Variants in CACNA1A observed in about 807,000 individuals in gnomAD.
CACNA1A encodes the protein voltage-dependent P/Q-type calcium channel subunit alpha-1A.
Under a neutral mutation model 262.4 loss-of-function variants are expected in CACNA1A, and 57 were observed. The ratio of observed to expected loss-of-function variants is 0.22; its 90% CI spans 0.18 to 0.27. The LOEUF is 0.27. Ranked by LOEUF, CACNA1A falls within the 10% of genes least tolerant of loss-of-function variation. CACNA1A has a pLI of 1.00. For missense variants in CACNA1A, 2,526 were observed against 3,562.8 expected, an observed-to-expected ratio of 0.71 and a Z score of 7.41; for synonymous variants, 1,431 against 1,419.3, an observed-to-expected ratio of 1.01 and a Z score of -0.18.
In CACNA1A at chr19:13,212,189, C is replaced by T. The variant is rs1057524336; in HGVS notation, c.6217G>A (p.Asp2073Asn). Residue 2073 changes from aspartate to asparagine, a missense_variant, in exon 43 of 47, where the codon GAT (aspartate) becomes AAT (asparagine). Physicochemically the swap from Asp to Asn is conservative, Grantham distance 23. Around this residue, in one of 17 missense-constraint regions of CACNA1A, gnomAD observed 929 missense variants for 868.1 expected, o/e 1.07. Coordinates refer to ENST00000360228, the MANE Select transcript of CACNA1A (RefSeq NM_001127222.2). This position sits in a 1 kb window ranked among gnomAD's most constrained non-coding sequence, Gnocchi z 5.6. ...TAGTGCTCGCTGTCGGAGTAGCCAT[C>T]TCTGCCCATCTCTCGCATCTCCACG... is the stretch of plus-strand genomic sequence containing the variant. ...QSVEMREMGR[D>N]GYSDSEHYLP... is the part of the protein sequence containing the mutation. 8 of 1,613,806 alleles carry T rather than the reference C, an allele frequency of 5.0e-6. No homozygotes were observed. The highest frequency in any genetic ancestry group is 1.6e-4 in the Middle Eastern group (1 of 6,082).
At chr19:13,451,715 C>T (rs979044671) in intron 3 of CACNA1A, 1 of 152,228 alleles carries the variant, frequency 6.6e-6, no homozygotes, top group East Asian at 1.9e-4. Flanking sequence ...TCTATGCTCA[C>T]TTCTCCTTCC....
intron 30 of CACNA1A, among the ~76,000 whole-genome samples, chr19:13,249,778 T>C (rs576910949): frequency 3.5e-4 from 53 of 151,428 alleles, no homozygotes; most frequent in African/African-American, 1.2e-3. Flanking sequence ...CTCCTTTTAA[T>C]GATGGGGAGG....
At chr19:13,284,572 C>T (rs1385906311) in intron 21 of CACNA1A, 1 of 153,062 alleles carries the variant, frequency 6.5e-6, no homozygotes, top group African/African-American at 2.4e-5. Context: ...CTATCCATTT[C>T]AAAGATGCCC....
intron 3 of CACNA1A, among the ~76,000 whole-genome samples, chr19:13,441,910 G>A (rs1568648995): frequency 6.6e-6 from 1 of 152,136 alleles, no homozygotes; most frequent in Non-Finnish European, 1.5e-5. Context: ...GAGATGGATG[G>A]CAAGGTCTTC....
chr19:13,263,077 C>T (rs1600199292), intron 24 of CACNA1A: 2 of 508,422 alleles, frequency 3.9e-6, no homozygotes, highest in South Asian at 4.2e-5. Flanking sequence ...GGGCCCTTTG[C>T]CATCTGGCTG....
rs1218630179 is a variant in CACNA1A, at chr19:13,396,920, G to A, written c.540-25141C>T. Among the ~76,000 whole-genome samples, 4 of 152,246 alleles carry A rather than the reference G, an allele frequency of 2.6e-5. No individual in the cohort carries two copies. The East Asian group carries it at 7.7e-4, about 29-fold the overall frequency. ...GCTTCCCTGCTCCCTCCCTGGTTCT[G>A]ACAGTAGTCCCTTCTGCACAGCTCT... is the stretch of plus-strand genomic sequence containing the variant. On this transcript the variant is annotated intron_variant, in intron 3 of 46. Transcript: ENST00000360228.
intron 30 of CACNA1A, 26 bp from the exon 31 acceptor site, chr19:13,245,291 G>C: frequency 6.3e-7 from 1 of 1,591,712 alleles, no homozygotes; most frequent in Non-Finnish European, 8.6e-7. Flanking sequence ...ACAAGACAGA[G>C]ATGCCAACAG....
intron 3 of CACNA1A, among the ~76,000 whole-genome samples, chr19:13,384,278 G>A (rs752358425): frequency 6.6e-6 from 1 of 152,152 alleles, no homozygotes; most frequent in Non-Finnish European, 1.5e-5. Context: ...CAGGGTTATG[G>A]AAGACCAGAT....
At chr19:13,463,045 G>A (rs2061153047) in intron 1 of CACNA1A, among the ~76,000 whole-genome samples, 1 of 151,940 alleles carries the variant, frequency 6.6e-6, no homozygotes. Flanking sequence ...ACAGGTATGA[G>A]CCACTGTGCC....
At chr19:13,409,248 A>G (rs772045146) in intron 3 of CACNA1A, among the ~76,000 whole-genome samples, 1 of 152,034 alleles carries the variant, frequency 6.6e-6, no homozygotes, top group Non-Finnish European at 1.5e-5. Context: ...GAGTTCTGGG[A>G]GTTGAGGTAT....
At chr19:13,472,634 T>C (rs541222830) in intron 1 of CACNA1A, among the ~76,000 whole-genome samples, 1 of 152,328 alleles carries the variant, frequency 6.6e-6, no homozygotes, top group South Asian at 2.1e-4. Context: ...CCTCCCTCTG[T>C]CTCATTCTGT....
chr19:13,346,619 TATA>T (rs2058768820), intron 6 of CACNA1A, among the ~76,000 whole-genome samples: 4 of 3,772 alleles, frequency 1.1e-3, no homozygotes, highest in African/African-American at 2.4e-3. Flanking sequence ...TAATTGATTA[TATA>T]TATATATATA....
chr19:13,402,827 T>C (rs183153760), intron 3 of CACNA1A, among the ~76,000 whole-genome samples: 49 of 134,064 alleles, frequency 3.7e-4, no homozygotes, highest in Non-Finnish European at 6.7e-4. Flanking sequence ...TATACACACA[T>C]ATATATACAT....
intron 6 of CACNA1A, among the ~76,000 whole-genome samples, chr19:13,357,178 C>G (rs1021150819): frequency 6.6e-6 from 1 of 152,192 alleles, no homozygotes; most frequent in African/African-American, 2.4e-5. Flanking sequence ...CCTCCACCCA[C>G]AAGTGGGGAA....
At position 13,214,913 on chromosome 19, in the gene CACNA1A, A is replaced by C. The variant is rs2054942411; in HGVS notation, c.5732-305T>G. 2.4e-6 allele frequency: 1 copy of C among 413,896 alleles called. No individual in the cohort carries two copies. The allele number at this position is 413,896 out of a possible 1,614,324, so 25.6% of individuals were successfully genotyped here. ...CTCCCAGTTATCGGCTGCATGACTT[A>C]GGTTACTCTACCACTTAGTAACTCA... On this transcript the variant is annotated intron_variant, in intron 38 of 46. Coordinates refer to ENST00000360228, the MANE Select transcript of CACNA1A (RefSeq NM_001127222.2). The surrounding 1 kb of genome is among the most constrained non-coding windows in gnomAD (Gnocchi z 4.1).
At chr19:13,306,870 C>T (rs573941451) in intron 15 of CACNA1A, among the ~76,000 whole-genome samples, 21 of 152,294 alleles carry the variant, frequency 1.4e-4, no homozygotes, top group African/African-American at 4.6e-4. Context: ...AAGCCTCTTG[C>T]CCACATTTTC....
chr19:13,214,649 G>T lies in CACNA1A; in HGVS notation c.5732-41C>A. ...AGACAGACCCTGACTGCCTGCCTGG[G>T]TGTCAGCTGGACTCTGGGTCAGCTG... On this transcript the variant is annotated intron_variant, in intron 38 of 46. Coordinates refer to ENST00000360228, the MANE Select transcript of CACNA1A (RefSeq NM_001127222.2). This position sits in a 1 kb window ranked among gnomAD's most constrained non-coding sequence, Gnocchi z 4.1. 6.7e-7 allele frequency: 1 copy of T among 1,486,156 alleles called. No homozygotes were observed. The highest frequency in any genetic ancestry group is 9.3e-7 in the Non-Finnish European group (1 of 1,071,166). The allele number at this position is 1,486,156 out of a possible 1,614,324, so 92.1% of individuals were successfully genotyped here. A position where few individuals can be genotyped will look rare whatever the true frequency, so the allele number is the denominator to read the frequency against.
rs2058058713 is a variant in CACNA1A, at chr19:13,312,799, G to A, written c.1556-18C>T. 1 of 1,330,444 alleles carries A rather than the reference G, an allele frequency of 7.5e-7. No homozygotes were observed. Among genetic ancestry groups the A allele is most frequent in the East Asian group, 2.6e-5 (1 of 38,608 alleles). 82.4% of individuals were successfully genotyped at this position (1,330,444 alleles called of 1,614,324 possible). A position where few individuals can be genotyped will look rare whatever the true frequency, so the allele number is the denominator to read the frequency against. On this transcript the variant is annotated intron_variant, in intron 11 of 46. Coordinates refer to ENST00000360228, the MANE Select transcript of CACNA1A (RefSeq NM_001127222.2). ...TGCATAGTCTAGAAGGGAGAAGGAGGAAACAGAGAGGAGGTTAGGCTTGCT... is the reference window on the plus strand; with the variant it reads ...TGCATAGTCTAGAAGGGAGAAGGAGAAAACAGAGAGGAGGTTAGGCTTGCT...
At chr19:13,277,361 C>CA (rs547443251) in intron 22 of CACNA1A, 23 of 454,614 alleles carry the variant, frequency 5.1e-5, no homozygotes, top group Admixed American at 2.4e-4. Flanking sequence ...CAAATCCTAA[C>CA]AAAAAAATCA....
Sources: gnomAD v4.1 joint callset for allele counts (sites outside exome capture counted in the v4.1 genomes callset) on GRCh38, gnomAD v4.1.1 for gene constraint, gnomAD v4.1.1 regional missense constraint, Gnocchi (gnomAD v3.1) non-coding constraint, MANE v1.5 for transcripts, NCBI Gene and HGNC (gene_info 2026-07-23, HGNC 2026-07-21) for gene names.